The following ATP1A4 variants were observed in gnomAD, a reference collection of about 807,000 sequenced individuals.
ATP1A4 encodes the protein sodium/potassium-transporting ATPase subunit alpha-4.
A neutral mutation model predicts 114.3 loss-of-function variants in ATP1A4; 90 were observed. The observed-to-expected ratio is 0.79, with a 90% CI of 0.66 to 0.94. The LOEUF (loss-of-function observed/expected upper bound fraction) is 0.94, where lower values mean the gene tolerates loss of function less well. Ranked by LOEUF, ATP1A4 falls within the 40% of genes least tolerant of loss-of-function variation. The pLI is 0.00. For synonymous variants in ATP1A4, 511 were observed against 494.1 expected (o/e 1.03, Z -0.45); for missense variants, 1,222 against 1,313.6 (o/e 0.93, Z 1.08).
In ATP1A4 at chr1:160,152,017, G is replaced by A. The variant is rs368122370; in HGVS notation, c.-24G>A. The A allele has an allele frequency of 5.6e-5, 89 of 1,603,588 alleles. No homozygotes were observed. In the African/African-American group the frequency reaches 9.2e-4, roughly 17 times the overall value. On this transcript the variant is annotated 5_prime_UTR_variant, in exon 1 of 22. Transcript: ENST00000368081. ...CAGCTTTCTTCCCACAGTTGAGCTCGGGCAGCTCTTTCTGGGGATAGCTAT... is the reference window on the plus strand; with the variant it reads ...CAGCTTTCTTCCCACAGTTGAGCTCAGGCAGCTCTTTCTGGGGATAGCTAT...
At chr1:160,184,425 C>A (rs534969111) in intron 20 of ATP1A4, among the ~76,000 whole-genome samples, 1 of 152,110 alleles carries the variant, frequency 6.6e-6, no homozygotes, top group African/African-American at 2.4e-5. Flanking sequence ...TGCACACTGA[C>A]GGTCCCAGCT....
intron 21 of ATP1A4, 147 bp from the exon 22 acceptor site, chr1:160,186,524 C>T (rs2101664536): frequency 2.8e-6 from 3 of 1,061,936 alleles, no homozygotes; most frequent in Non-Finnish European, 4.2e-6. Context: ...TACCCCTTGG[C>T]TGCACCCCTC....
At chr1:160,176,422 TG>T (rs1653466144) in intron 16 of ATP1A4, 56 bp from the exon 17 acceptor site, 1 of 1,611,730 alleles carries the variant, frequency 6.2e-7, no homozygotes, top group Admixed American at 1.7e-5. Flanking sequence ...CTTGAATTAC[TG>T]CTGGGTTTCC....
rs770865705 is a variant in ATP1A4 at position 160,174,753 on chromosome 1, G to A, written c.2311+6G>A. ...CGTCACGGGGGTGGAGGAGGGTGAG[G>A]AGGCAGGGTGCCCATGGTGGAGACT... On this transcript the variant is annotated splice_donor_region_variant and intron_variant, in intron 15 of 21. Coordinates refer to ENST00000368081, the MANE Select transcript of ATP1A4 (RefSeq NM_144699.4). 6.2e-6 allele frequency: 10 copies of A among 1,613,824 alleles called. No homozygotes were observed. In the East Asian group the frequency reaches 2.2e-4, roughly 36 times the overall value.
chr1:160,160,877 T>C (rs1315379915), intron 6 of ATP1A4, among the ~76,000 whole-genome samples: 1 of 152,178 alleles, frequency 6.6e-6, no homozygotes, highest in East Asian at 1.9e-4. Context: ...TTAAAATTGA[T>C]TGGACAGAAG....
At chr1:160,173,467 C>T (rs1269500620) in intron 12 of ATP1A4, 114 bp from the exon 13 acceptor site, 8 of 1,423,044 alleles carry the variant, frequency 5.6e-6, no homozygotes, top group African/African-American at 2.9e-5. Context: ...TGGGAATGAG[C>T]GACTAAAACC....
chr1:160,153,344 A>C (rs1571007384), intron 2 of ATP1A4, 120 bp downstream of exon 2: 1 of 818,246 alleles, frequency 1.2e-6, no homozygotes, highest in Non-Finnish European at 2.0e-6. Context: ...CCCACCCCTC[A>C]CCCTCTGCCT....
At chr1:160,172,529 A>G (rs907160763) in intron 12 of ATP1A4, among the ~76,000 whole-genome samples, 11 of 152,220 alleles carry the variant, frequency 7.2e-5, no homozygotes, top group Non-Finnish European at 1.3e-4. Flanking sequence ...CTTGAACTTC[A>G]TGGGATGGCA....
intron 2 of ATP1A4, among the ~76,000 whole-genome samples, chr1:160,153,558 C>G (rs1382956289): frequency 6.6e-6 from 1 of 152,034 alleles, no homozygotes; most frequent in Non-Finnish European, 1.5e-5. Flanking sequence ...CTATATTTAC[C>G]ATATTAGAAA....
chr1:160,167,536 A>G, intron 10 of ATP1A4, 124 bp downstream of exon 10: 2 of 1,321,882 alleles, frequency 1.5e-6, no homozygotes, highest in Admixed American at 2.3e-5. Flanking sequence ...CAGAACCTGC[A>G]TCCCAATTAA....
chr1:160,184,768 A>C (rs1461814544), intron 20 of ATP1A4, among the ~76,000 whole-genome samples: 3 of 152,168 alleles, frequency 2.0e-5, no homozygotes, highest in Non-Finnish European at 4.4e-5. Context: ...GGTCTAGGCC[A>C]TTTCTTCTGT....
intron 18 of ATP1A4, among the ~76,000 whole-genome samples, chr1:160,178,612 T>C (rs980548668): frequency 2.0e-5 from 3 of 152,050 alleles, no homozygotes; most frequent in Admixed American, 1.3e-4. Flanking sequence ...GAGGCGGAGA[T>C]TGCAGTGAGC....
intron 6 of ATP1A4, among the ~76,000 whole-genome samples, chr1:160,161,813 G>A (rs141239405): frequency 6.6e-6 from 1 of 152,228 alleles, no homozygotes; most frequent in East Asian, 1.9e-4. Context: ...TCTGCTCCTC[G>A]AGTAGGACCC....
intron 18 of ATP1A4, among the ~76,000 whole-genome samples, chr1:160,179,157 A>T (rs1653593241): frequency 1.3e-5 from 2 of 152,174 alleles, no homozygotes; most frequent in South Asian, 4.1e-4. Context: ...TCAAATCTGA[A>T]TTGTTGGGAA....
Position 160,186,717 on chromosome 1 carries a change from C to G in ATP1A4, c.*18C>G. 1.2e-6 allele frequency: 2 copies of G among 1,608,800 alleles called. No homozygotes were observed. Among genetic ancestry groups the G allele is most frequent in the Non-Finnish European group, 1.7e-6 (2 of 1,177,396 alleles). ...ACTACTAAACTCAGCAGATGAAGAG[C>G]TTCATGTGACACAGGGGTGTTGTGA... On this transcript the variant is annotated 3_prime_UTR_variant, in exon 22 of 22. Transcript: ENST00000368081.
Position 160,174,175 on chromosome 1 carries a change from C to G in ATP1A4, c.2056C>G (p.Gln686Glu). ...GGACATACAGTCCAAGCAGCTTGATCAGATCCTCCAGAACCACCCTGAGAT... is the reference window on the plus strand; with the variant it reads ...GGACATACAGTCCAAGCAGCTTGATGAGATCCTCCAGAACCACCCTGAGAT... The part of the protein sequence containing the change: ...LKDIQSKQLD[Q>E]ILQNHPEIVF... Residue 686 changes from glutamine (Q) to glutamate (E), a missense_variant, in exon 14 of 22, where the codon CAG (glutamine) becomes GAG (glutamate). Gln to Glu is a conservative substitution (Grantham distance 29). Coordinates refer to ENST00000368081, the MANE Select transcript of ATP1A4 (RefSeq NM_144699.4). The G allele has an allele frequency of 1.9e-6, 3 of 1,614,192 alleles. No individual in the cohort carries two copies. The highest frequency in any genetic ancestry group is 1.1e-5 in the South Asian group (1 of 91,080).
chr1:160,177,621 A>T lies in ATP1A4; in HGVS notation c.2693A>T (p.Asp898Val), dbSNP rs1252450227. Reference sequence around the variant, plus strand: ...CTGGGCATCCGCCTCCACTGGGAAGATAAATACTTGAATGACCTGGAGGAC... The same window carrying T: ...CTGGGCATCCGCCTCCACTGGGAAGTTAAATACTTGAATGACCTGGAGGAC... ...DLLGIRLHWE[D>V]KYLNDLEDSY... The change falls in exon 18 of 22, where the codon GAT (aspartate) becomes GTT (valine). Residue 898 changes from aspartate to valine, a missense_variant. Physicochemically the swap from Asp to Val is radical, Grantham distance 152 (BLOSUM62 -3). Transcript: ENST00000368081. 4 of 1,614,096 alleles carry T rather than the reference A, an allele frequency of 2.5e-6. No individual in the cohort carries two copies. The highest frequency in any genetic ancestry group is 1.1e-5 in the South Asian group (1 of 91,084).
chr1:160,178,314 C>T (rs1653559819), intron 18 of ATP1A4, among the ~76,000 whole-genome samples: 1 of 151,918 alleles, frequency 6.6e-6, no homozygotes, highest in Non-Finnish European at 1.5e-5. Flanking sequence ...AAGATCACGC[C>T]ATTGCACTGC....
chr1:160,159,386 A>G, intron 5 of ATP1A4, 23 bp from the exon 6 acceptor site: 1 of 1,588,826 alleles, frequency 6.3e-7, no homozygotes, highest in Non-Finnish European at 8.6e-7. Flanking sequence ...TCACCTTACA[A>G]CGCGTCCCCT....
Sources: allele counts gnomAD v4.1 joint callset (sites outside exome capture counted in the v4.1 genomes callset), GRCh38; gene constraint gnomAD v4.1.1; transcripts MANE v1.5; gene names NCBI Gene and HGNC (gene_info 2026-07-23, HGNC 2026-07-21).